The following STK24 variants were observed in gnomAD, a reference collection of about 807,000 sequenced individuals.
STK24 encodes the protein serine/threonine kinase 24.
In STK24, 21 loss-of-function variants were observed where a neutral mutation model predicts 55.6. The ratio of observed to expected loss-of-function variants is 0.38; its 90% CI spans 0.27 to 0.54. STK24 has a LOEUF of 0.54. STK24 is among the 20% of genes least tolerant of loss of function. The pLI is 0.79. For missense variants in STK24, 383 were observed against 538.4 expected (o/e 0.71, Z 2.86); for synonymous variants, 200 against 215.2 (o/e 0.93, Z 0.62).
chr13:98,482,236 A>G (rs1215656896), intron 3 of STK24, 29 bp downstream of exon 3: 5 of 1,353,606 alleles, frequency 3.7e-6, no homozygotes, highest in East Asian at 2.5e-5. Context: ...AAGCTTTGAT[A>G]CGTATTCTGC....
intron 2 of STK24, among the ~76,000 whole-genome samples, chr13:98,490,811 T>C (rs1199406650): frequency 2.1e-5 from 3 of 145,894 alleles, no homozygotes; most frequent in East Asian, 4.0e-4. Context: ...CCCACTCCCA[T>C]AGGGAAGGCA....
chr13:98,576,704 C>G (rs1341969098), intron 1 of STK24, 41 bp downstream of exon 1: 1 of 1,448,240 alleles, frequency 6.9e-7, no homozygotes, highest in Admixed American at 2.4e-5. Context: ...CTGCTTCCGC[C>G]CCGGTCGCGC....
intron 1 of STK24, among the ~76,000 whole-genome samples, chr13:98,524,952 A>G (rs1896380734): frequency 6.6e-6 from 1 of 152,260 alleles, no homozygotes; most frequent in South Asian, 2.1e-4. Context: ...CCTCTGTGTC[A>G]GCAGCTGTAG....
At chr13:98,568,142 G>A (rs545994814) in intron 1 of STK24, among the ~76,000 whole-genome samples, 151 of 152,162 alleles carry the variant, frequency 9.9e-4, no homozygotes, top group African/African-American at 3.5e-3. Flanking sequence ...GATTACAGGC[G>A]TGTATCATCA....
chr13:98,516,861 A>C (rs77139643), intron 2 of STK24, among the ~76,000 whole-genome samples: 373 of 152,360 alleles, frequency 2.4e-3, no homozygotes, highest in African/African-American at 8.7e-3. Context: ...TACAATAACT[A>C]AACAAAATAC....
intron 1 of STK24, among the ~76,000 whole-genome samples, chr13:98,556,495 G>A (rs1897291559): frequency 6.6e-6 from 1 of 151,826 alleles, no homozygotes; most frequent in East Asian, 1.9e-4. Flanking sequence ...ACTAGTTGAG[G>A]TTGTTGTTCT....
chr13:98,542,823 G>A (rs1360753416), intron 1 of STK24: 104 of 984,842 alleles, frequency 1.1e-4, no homozygotes, highest in Non-Finnish European at 1.2e-4. Context: ...CCATCTACAC[G>A]TCCAAGTACC....
intron 2 of STK24, among the ~76,000 whole-genome samples, chr13:98,501,506 C>G (rs1895462209): frequency 6.6e-6 from 1 of 152,152 alleles, no homozygotes; most frequent in African/African-American, 2.4e-5. Flanking sequence ...CCAGCCCCCC[C>G]AGTTTAAGAG....
chr13:98,516,183 T>TA (rs760162021), intron 2 of STK24, among the ~76,000 whole-genome samples: 3 of 152,170 alleles, frequency 2.0e-5, no homozygotes, highest in Non-Finnish European at 4.4e-5. Context: ...TTATAATAGT[T>TA]AATTATTGTT....
At chr13:98,524,442 G>C (rs899315109) in intron 1 of STK24, among the ~76,000 whole-genome samples, 4 of 152,168 alleles carry the variant, frequency 2.6e-5, no homozygotes, top group Non-Finnish European at 5.9e-5. Flanking sequence ...AAGAGAGCAC[G>C]GCACCGGATA....
chr13:98,546,913 T>G (rs1264832377), intron 1 of STK24, among the ~76,000 whole-genome samples: 1 of 152,016 alleles, frequency 6.6e-6, no homozygotes, highest in Non-Finnish European at 1.5e-5. Context: ...TTTTTTTTGT[T>G]TGTTTGTTTG....
Position 98,453,035 on chromosome 13 carries a change from A to G in STK24, c.*138T>C. The G allele has an allele frequency of 1.1e-6, 1 of 887,122 alleles. No individual in the cohort carries two copies. Among genetic ancestry groups the G allele is most frequent in the Non-Finnish European group, 1.7e-6 (1 of 571,926 alleles). The allele number at this position is 887,122 out of a possible 1,614,324, so 55.0% of individuals were successfully genotyped here. A position where few individuals can be genotyped will look rare whatever the true frequency, so the allele number is the denominator to read the frequency against. The stretch of plus-strand genomic sequence containing the variant: ...CAGTGAAGACTGTGTGTGTCCCTGG[A>G]CGGGCGCCTGGCGCTGGGGTGGCTC... On this transcript the variant is annotated 3_prime_UTR_variant, in exon 11 of 11. Transcript: ENST00000539966.
intron 2 of STK24, among the ~76,000 whole-genome samples, chr13:98,513,847 C>T (rs1465598381): frequency 6.6e-6 from 1 of 152,192 alleles, no homozygotes; most frequent in Non-Finnish European, 1.5e-5. Context: ...GGAGAGTTCA[C>T]CCACACCAAG....
At chr13:98,524,588 C>A (rs1405568844) in intron 1 of STK24, among the ~76,000 whole-genome samples, 2 of 152,218 alleles carry the variant, frequency 1.3e-5, no homozygotes, top group African/African-American at 4.8e-5. Context: ...GGAAAAACCA[C>A]CCATTCACCC....
intron 8 of STK24, 103 bp from the exon 9 acceptor site, chr13:98,460,543 T>G (rs1893660611): frequency 2.2e-6 from 2 of 918,354 alleles, no homozygotes; most frequent in Non-Finnish European, 3.5e-6. Flanking sequence ...AGGAGTTGCC[T>G]CTACACTTCA....
chr13:98,568,857 A>G (rs780964048), intron 1 of STK24, among the ~76,000 whole-genome samples: 2 of 152,176 alleles, frequency 1.3e-5, no homozygotes, highest in Non-Finnish European at 2.9e-5. Context: ...TGACAGAGCG[A>G]GACTCCATCT....
In STK24 at chr13:98,449,570, T is replaced by TGAGAACCAGGAAC. The variant is rs1893084937; in HGVS notation, c.*3590_*3602dup. On this transcript the variant is annotated 3_prime_UTR_variant, in exon 11 of 11. Transcript: ENST00000539966. ...CCCCGCACCATAGCACCTGCCCACC[T>TGAGAACCAGGAAC]GAGAACCAGGAACGCACCCTCTCTG... The TGAGAACCAGGAAC allele has an allele frequency of 6.6e-6, 1 of 152,570 alleles. No individual in the cohort carries two copies. Among genetic ancestry groups the TGAGAACCAGGAAC allele is most frequent in the Admixed American group, 6.5e-5 (1 of 15,280 alleles). The allele number at this position is 152,570 out of a possible 1,614,324, so 9.5% of individuals were successfully genotyped here. A position where few individuals can be genotyped will look rare whatever the true frequency, so the allele number is the denominator to read the frequency against.
At chr13:98,523,872 G>C (rs1380557747) in intron 1 of STK24, among the ~76,000 whole-genome samples, 1 of 152,196 alleles carries the variant, frequency 6.6e-6, no homozygotes, top group Non-Finnish European at 1.5e-5. Flanking sequence ...CCCCAGCGGA[G>C]GCCCCGACGG....
chr13:98,565,930 C>T (rs1186377405), intron 1 of STK24, among the ~76,000 whole-genome samples: 1 of 152,266 alleles, frequency 6.6e-6, no homozygotes, highest in Non-Finnish European at 1.5e-5. Context: ...AGTGCACAGA[C>T]AGCGCAGTGC....
Sources: gnomAD v4.1 joint callset for allele counts (sites outside exome capture counted in the v4.1 genomes callset) on GRCh38, gnomAD v4.1.1 for gene constraint, MANE v1.5 for transcripts, NCBI Gene and HGNC (gene_info 2026-07-23, HGNC 2026-07-21) for gene names.